Variants in KDM1B observed in about 807,000 individuals in gnomAD.
The protein encoded by KDM1B is lysine demethylase 1B.
KDM1B carries 63 observed loss-of-function variants against 107.4 expected under a neutral mutation model. That is an observed-to-expected ratio of 0.59 (90% CI 0.48 to 0.72). KDM1B has a LOEUF of 0.72. Ranked by LOEUF, KDM1B falls within the 30% of genes least tolerant of loss-of-function variation. KDM1B has a pLI of 0.00. For synonymous variants in KDM1B, 363 were observed against 363.9 expected, an observed-to-expected ratio of 1.00 and a Z score of 0.03; for missense variants, 749 against 1,020.8, an observed-to-expected ratio of 0.73 and a Z score of 3.63.
chr6:18,158,875 G>A (rs772204127), intron 2 of KDM1B, among the ~76,000 whole-genome samples: 1 of 152,150 alleles, frequency 6.6e-6, no homozygotes, highest in Non-Finnish European at 1.5e-5. Flanking sequence ...AGATACCAGT[G>A]CTTCTATCTA....
intron 7 of KDM1B, among the ~76,000 whole-genome samples, chr6:18,176,648 A>G (rs1320773606): frequency 1.3e-5 from 2 of 152,148 alleles, no homozygotes; most frequent in Non-Finnish European, 2.9e-5. Context: ...GATTTTGCTG[A>G]GAGTTTTAAT....
rs1040278833 is a variant in KDM1B at position 18,213,455 on chromosome 6, A to AAAAAC, written c.1984-186_1984-182dup. On this transcript the variant is annotated intron_variant, in intron 18 of 21. Transcript: ENST00000650836. The surrounding 1 kb of genome is among the most constrained non-coding windows in gnomAD (Gnocchi z 5.9). The stretch of plus-strand genomic sequence containing the variant: ...CCGTCTCAAAAAAAAAAAAAACCCA[A>AAAAAC]AAAACAAAACAAAACAAAAAACAAC... Among the ~76,000 whole-genome samples the AAAAAC allele has an allele frequency of 6.6e-6, 1 of 151,904 alleles. No homozygotes were observed. Among genetic ancestry groups the AAAAAC allele is most frequent in the Non-Finnish European group, 1.5e-5 (1 of 67,944 alleles).
At chr6:18,183,938 G>A (rs1582132378) in intron 7 of KDM1B, among the ~76,000 whole-genome samples, 1 of 152,058 alleles carries the variant, frequency 6.6e-6, no homozygotes, top group East Asian at 1.9e-4. Flanking sequence ...TACAGTCCAA[G>A]GACTAGAACT....
Position 18,161,420 on chromosome 6 carries a change from A to G in KDM1B, c.181A>G (p.Thr61Ala), listed in dbSNP as rs772245707. 8.7e-6 allele frequency: 14 copies of G among 1,613,994 alleles called. No individual in the cohort carries two copies. Among genetic ancestry groups the G allele is most frequent in the African/African-American group, 4.0e-5 (3 of 74,918 alleles). Residue 61 changes from threonine to alanine, a missense_variant, in exon 4 of 22, where the codon ACA becomes GCA. Thr to Ala is a moderately conservative substitution (Grantham distance 58). Coordinates refer to ENST00000650836, the MANE Select transcript of KDM1B (RefSeq NM_001364614.2). ...RKCEKAGCTA[T>A]CPVCFASASE... ...ATGTGAAAAGGCAGGCTGTACGGCA[A>G]CATGTCCTGTGTGCTTTGCAAGTGC...
chr6:18,184,006 T>C (rs1034516649), intron 7 of KDM1B, among the ~76,000 whole-genome samples: 9 of 151,916 alleles, frequency 5.9e-5, no homozygotes, highest in African/African-American at 2.2e-4. Flanking sequence ...TAGTGAAATA[T>C]ACAAACAGAA....
At chr6:18,202,115 A>C (rs1293303987) in intron 14 of KDM1B, among the ~76,000 whole-genome samples, 1 of 152,068 alleles carries the variant, frequency 6.6e-6, no homozygotes, top group Non-Finnish European at 1.5e-5. Context: ...TAAGAATTTT[A>C]ACCCATTAGG....
rs1787985053 is a variant in KDM1B, at chr6:18,200,851, C to T, written c.1359+275C>T. Among the ~76,000 whole-genome samples, 1 of 152,088 alleles carries T rather than the reference C, an allele frequency of 6.6e-6. No individual in the cohort carries two copies. Among genetic ancestry groups the T allele is most frequent in the African/African-American group, 2.4e-5 (1 of 41,410 alleles). On this transcript the variant is annotated intron_variant, in intron 13 of 21. Coordinates refer to ENST00000650836, the MANE Select transcript of KDM1B (RefSeq NM_001364614.2). This position sits in a 1 kb window ranked among gnomAD's most constrained non-coding sequence, Gnocchi z 4.3. ...ATAATTTTAGAGTTGCCAGATTTAG[C>T]ATATAAAAATCCAGAATTCTCAATT...
At chr6:18,167,508 C>G (rs1207740939) in intron 6 of KDM1B, among the ~76,000 whole-genome samples, 5 of 151,456 alleles carry the variant, frequency 3.3e-5, no homozygotes, top group African/African-American at 1.2e-4. Flanking sequence ...GGGTCTCACT[C>G]TGTTGCCCAG....
In KDM1B at chr6:18,159,649, C is replaced by A. The variant is rs1784842839; in HGVS notation, c.-13-234C>A. On this transcript the variant is annotated intron_variant, in intron 2 of 21. Coordinates refer to ENST00000650836, the MANE Select transcript of KDM1B (RefSeq NM_001364614.2). This position sits in a 1 kb window ranked among gnomAD's most constrained non-coding sequence, Gnocchi z 4.5. Reference sequence around the variant, plus strand: ...GAGCCAGGTGGTGTGGTGACGTGCACCTGTATTCCCAACTACTTGGAGCTG... The same window carrying A: ...GAGCCAGGTGGTGTGGTGACGTGCAACTGTATTCCCAACTACTTGGAGCTG... Among the ~76,000 whole-genome samples, 9 of 152,144 alleles carry A rather than the reference C, an allele frequency of 5.9e-5. No homozygotes were observed. The highest frequency in any genetic ancestry group is 5.9e-4 in the Admixed American group (9 of 15,270).
In KDM1B at chr6:18,198,236, C is replaced by T. The variant is rs149079451; in HGVS notation, c.1221+575C>T. ...GACAGATTATTATTCGCACAATAGACATGATGAGAAAAAGCCCGTTTCCGC... is the reference window on the plus strand; with the variant it reads ...GACAGATTATTATTCGCACAATAGATATGATGAGAAAAAGCCCGTTTCCGC... On this transcript the variant is annotated intron_variant, in intron 12 of 21. Coordinates refer to ENST00000650836, the MANE Select transcript of KDM1B (RefSeq NM_001364614.2). Among the ~76,000 whole-genome samples the T allele has an allele frequency of 6.6e-3, 1,004 of 151,876 alleles. 13 individuals are homozygous for T. The highest frequency in any genetic ancestry group is 0.022 in the African/African-American group (922 of 41,400).
intron 6 of KDM1B, among the ~76,000 whole-genome samples, chr6:18,171,021 CG>C (rs1785626997): frequency 6.6e-6 from 1 of 151,878 alleles, no homozygotes; most frequent in African/African-American, 2.4e-5. Flanking sequence ...GGGGTTTCAC[CG>C]TGTTAGCCAG....
intron 6 of KDM1B, among the ~76,000 whole-genome samples, chr6:18,167,576 C>T (rs1469992430): frequency 6.6e-6 from 1 of 151,470 alleles, no homozygotes; most frequent in African/African-American, 2.4e-5. Context: ...CGGGCTCAAG[C>T]GATTCTCCCA....
At position 18,222,213 on chromosome 6, in the gene KDM1B, A is replaced by G. The variant is rs907575670; in HGVS notation, c.*221A>G. The G allele has an allele frequency of 3.1e-6, 2 of 649,304 alleles. No homozygotes were observed. Among genetic ancestry groups the G allele is most frequent in the Admixed American group, 4.1e-5 (2 of 48,222 alleles). 40.2% of individuals were successfully genotyped at this position (649,304 alleles called of 1,614,324 possible). A position where few individuals can be genotyped will look rare whatever the true frequency, so the allele number is the denominator to read the frequency against. The stretch of plus-strand genomic sequence containing the variant: ...ATTTAATTGCATTTTCCATAGGTTC[A>G]ACTACTGCTGAAAGTCTGGATTTCA... On this transcript the variant is annotated 3_prime_UTR_variant, in exon 22 of 22. Transcript: ENST00000650836.
At chr6:18,216,745 T>C (rs1475277753) in intron 20 of KDM1B, among the ~76,000 whole-genome samples, 1 of 152,254 alleles carries the variant, frequency 6.6e-6, no homozygotes, top group Non-Finnish European at 1.5e-5. Context: ...ATCTCTGTTA[T>C]CAGAGCCATG....
At position 18,186,136 on chromosome 6, in the gene KDM1B, A is replaced by T. The variant is rs1352661219; in HGVS notation, c.573+326A>T. The stretch of plus-strand genomic sequence containing the variant: ...AGGATGACTTTGTGACCTTTTCTCC[A>T]CTTGAGTCCTCCTAAGAAAAGCACA... On this transcript the variant is annotated intron_variant, in intron 8 of 21. Transcript: ENST00000650836. The surrounding 1 kb of genome is among the most constrained non-coding windows in gnomAD (Gnocchi z 5.6). Among the ~76,000 whole-genome samples the T allele has an allele frequency of 6.6e-6, 1 of 152,162 alleles. No homozygotes were observed. Among genetic ancestry groups the T allele is most frequent in the Non-Finnish European group, 1.5e-5 (1 of 68,042 alleles).
At chr6:18,217,463 C>G (rs1040137984) in intron 20 of KDM1B, among the ~76,000 whole-genome samples, 2 of 151,130 alleles carry the variant, frequency 1.3e-5, no homozygotes, top group Non-Finnish European at 2.9e-5. Context: ...ACTGCAAGCT[C>G]CGCCTCCTGG....
chr6:18,157,483 C>G lies in KDM1B; in HGVS notation c.-14+1557C>G, dbSNP rs1168613459. On this transcript the variant is annotated intron_variant, in intron 2 of 21. Transcript: ENST00000650836. ...CTATACTTTCTTTTGAGAATGCATACCTTCCCAGGTGACAGGGTCAAATGT... is the reference window on the plus strand; with the variant it reads ...CTATACTTTCTTTTGAGAATGCATAGCTTCCCAGGTGACAGGGTCAAATGT... 2.0e-5 allele frequency among the ~76,000 whole-genome samples: 3 copies of G among 152,130 alleles called. No homozygotes were observed. In the East Asian group the frequency reaches 5.8e-4, roughly 29 times the overall value.
At chr6:18,175,734 C>T (rs1361773938) in intron 7 of KDM1B, among the ~76,000 whole-genome samples, 2 of 152,150 alleles carry the variant, frequency 1.3e-5, no homozygotes, top group African/African-American at 4.8e-5. Flanking sequence ...TGTCCTTTCC[C>T]CACTTTATGT....
intron 4 of KDM1B, among the ~76,000 whole-genome samples, chr6:18,161,843 C>A (rs979444095): frequency 6.6e-6 from 1 of 152,106 alleles, no homozygotes; most frequent in Admixed American, 6.6e-5. Flanking sequence ...TATAACATGC[C>A]ACCTCTTCCC....
Sources: gnomAD v4.1 joint callset for allele counts (sites outside exome capture counted in the v4.1 genomes callset) on GRCh38, gnomAD v4.1.1 for gene constraint, Gnocchi (gnomAD v3.1) non-coding constraint, MANE v1.5 for transcripts, NCBI Gene and HGNC (gene_info 2026-07-23, HGNC 2026-07-21) for gene names.